The following RBFOX1 variants were observed in gnomAD, a reference collection of about 807,000 sequenced individuals.
RBFOX1 encodes RNA binding fox-1 homolog 1, also known as RNA binding protein fox-1 homolog 1.
Under a neutral mutation model 57.7 loss-of-function variants are expected in RBFOX1, and 8 were observed. The ratio of observed to expected loss-of-function variants is 0.14; its 90% CI spans 0.08 to 0.25. RBFOX1 has a LOEUF of 0.25. Ranked by LOEUF, RBFOX1 falls within the 10% of genes least tolerant of loss-of-function variation. The pLI is 1.00. For missense variants in RBFOX1, 611 were observed against 548.5 expected (o/e 1.11, Z -1.14); for synonymous variants, 326 against 222.4 (o/e 1.47, Z -4.15).
intron 1 of RBFOX1, among the ~76,000 whole-genome samples, chr16:5,278,582 C>T (rs1454578840): frequency 6.6e-6 from 1 of 152,112 alleles, no homozygotes; most frequent in African/African-American, 2.4e-5. Flanking sequence ...TGATTGTTTT[C>T]TTTGATATGC....
At position 6,019,121 on chromosome 16, in the gene RBFOX1, T is replaced by TCG. The variant is rs983265778; in HGVS notation, c.-994_-993dup. 1 of 984,702 alleles carries TCG rather than the reference T, an allele frequency of 1.0e-6. No homozygotes were observed. The highest frequency in any genetic ancestry group is 1.8e-5 in the African/African-American group (1 of 57,004). 61.0% of individuals were successfully genotyped at this position (984,702 alleles called of 1,614,324 possible). On this transcript the variant is annotated 5_prime_UTR_variant, in exon 1 of 16. It removes the in-frame stop codon of an upstream open reading frame in the 5' UTR. Transcript: ENST00000550418. The surrounding 1 kb of genome is among the most constrained non-coding windows in gnomAD (Gnocchi z 4.2). ...CACACACACACATGCACACATTTTC[T>TCG]CGCGCTCTCTCCGGCTCTCCTTTGT...
At chr16:6,235,663 G>C (rs902451897) in intron 1 of RBFOX1, among the ~76,000 whole-genome samples, 1 of 151,196 alleles carries the variant, frequency 6.6e-6, no homozygotes, top group African/African-American at 2.4e-5. Flanking sequence ...TATATGATAG[G>C]ATGCTACTTA....
At chr16:6,389,665 T>C (rs2092493144) in intron 2 of RBFOX1, among the ~76,000 whole-genome samples, 1 of 152,112 alleles carries the variant, frequency 6.6e-6, no homozygotes, top group Non-Finnish European at 1.5e-5. Flanking sequence ...AGAGTAAACA[T>C]GAGGTAGGTT....
chr16:5,496,807 C>T (rs1045571187), intron 2 of RBFOX1, among the ~76,000 whole-genome samples: 2 of 152,122 alleles, frequency 1.3e-5, no homozygotes, highest in African/African-American at 4.8e-5. Flanking sequence ...AGATCATTTC[C>T]AATTAAAAAG....
At chr16:7,283,431 TAGGTA>T (rs1379667698) in intron 4 of RBFOX1, among the ~76,000 whole-genome samples, 1 of 152,040 alleles carries the variant, frequency 6.6e-6, no homozygotes, top group Non-Finnish European at 1.5e-5. Flanking sequence ...GGGAGCTCAC[TAGGTA>T]GATGATGGTG....
chr16:7,097,798 C>G (rs146322073), intron 4 of RBFOX1, among the ~76,000 whole-genome samples: 2 of 152,254 alleles, frequency 1.3e-5, no homozygotes, highest in Admixed American at 6.5e-5. Flanking sequence ...AAAGAAAAAT[C>G]TAAAAGCAGA....
intron 4 of RBFOX1, among the ~76,000 whole-genome samples, chr16:7,213,356 C>T (rs74739503): frequency 0.023 from 3,514 of 152,136 alleles, 132 homozygotes; most frequent in African/African-American, 0.081. Flanking sequence ...TTTAGGAATA[C>T]GGGACTCAGT....
chr16:7,333,883 A>G (rs1387824088), intron 4 of RBFOX1, among the ~76,000 whole-genome samples: 1 of 152,178 alleles, frequency 6.6e-6, no homozygotes, highest in East Asian at 1.9e-4. Context: ...CCCACAGATC[A>G]TAGAAATCCA....
chr16:5,345,652 C>T (rs1733822557), intron 1 of RBFOX1, among the ~76,000 whole-genome samples: 1 of 152,196 alleles, frequency 6.6e-6, no homozygotes, highest in African/African-American at 2.4e-5. Context: ...TTCTTAAACA[C>T]CCAGGAGCCA....
intron 3 of RBFOX1, among the ~76,000 whole-genome samples, chr16:6,912,451 G>T (rs2071888705): frequency 6.6e-6 from 1 of 152,112 alleles, no homozygotes; most frequent in South Asian, 2.1e-4. Context: ...GATTTTTCAG[G>T]ATCCTTTCCA....
In RBFOX1 at chr16:5,856,270, TATAC is replaced by T. The variant is rs1321115337; in HGVS notation, c.319-11031_319-11028del. Among the ~76,000 whole-genome samples, 6 of 37,654 alleles carry T rather than the reference TATAC, an allele frequency of 1.6e-4. 1 individual carries two copies. Among genetic ancestry groups the T allele is most frequent in the East Asian group, 1.4e-3 (2 of 1,452 alleles). 24.7% of individuals were successfully genotyped at this position (37,654 alleles called of 152,430 possible). A position where few individuals can be genotyped will look rare whatever the true frequency, so the allele number is the denominator to read the frequency against. ...ATATATGTATATATATGTATATATA[TATAC>T]ACATATATATACACACACACACACA... On this transcript the variant is annotated intron_variant, in intron 3 of 19. Transcript: ENST00000641259.
At chr16:5,953,168 T>C (rs2059554928) in intron 4 of RBFOX1, among the ~76,000 whole-genome samples, 1 of 152,156 alleles carries the variant, frequency 6.6e-6, no homozygotes, top group Admixed American at 6.6e-5. Flanking sequence ...GATTCTAATA[T>C]TCAGTTAAGA....
At chr16:6,843,411 A>G (rs182366377) in intron 3 of RBFOX1, among the ~76,000 whole-genome samples, 2 of 152,278 alleles carry the variant, frequency 1.3e-5, no homozygotes, top group East Asian at 3.9e-4. Flanking sequence ...AGCTTTGGCC[A>G]GACATGGTGG....
At chr16:5,366,112 G>C (rs554863294) in intron 1 of RBFOX1, 1 of 461,182 alleles carries the variant, frequency 2.2e-6, no homozygotes, top group African/African-American at 2.0e-5. Context: ...TGTGGTTCAG[G>C]GCGAGTGCAT....
chr16:7,577,541 C>G (rs1193890772), intron 5 of RBFOX1, among the ~76,000 whole-genome samples: 2 of 152,234 alleles, frequency 1.3e-5, no homozygotes, highest in African/African-American at 4.8e-5. Context: ...GGCTGAACCT[C>G]CAGCAGTGTC....
Position 6,395,253 on chromosome 16 carries a change from C to T in RBFOX1, c.-64+78196C>T, listed in dbSNP as rs1361178122. Among the ~76,000 whole-genome samples the T allele has an allele frequency of 3.3e-5, 5 of 152,230 alleles. No homozygotes were observed. In the South Asian group the frequency reaches 6.2e-4, roughly 19 times the overall value. On this transcript the variant is annotated intron_variant, in intron 2 of 15. Transcript: ENST00000550418. ...AAAAGTTCTGACCATTAAACGAATGCGTTTTTGTCATAGACGTGGTGGAAA... is the reference window on the plus strand; with the variant it reads ...AAAAGTTCTGACCATTAAACGAATGTGTTTTTGTCATAGACGTGGTGGAAA...
chr16:7,128,705 A>G (rs2069306338), intron 4 of RBFOX1, among the ~76,000 whole-genome samples: 1 of 152,048 alleles, frequency 6.6e-6, no homozygotes, highest in African/African-American at 2.4e-5. Context: ...ACTAAACTCT[A>G]CCACTTGATG....
intron 3 of RBFOX1, among the ~76,000 whole-genome samples, chr16:6,788,699 T>A (rs189441845): frequency 0.015 from 2,250 of 151,774 alleles, 57 homozygotes; most frequent in African/African-American, 0.052. Flanking sequence ...ATGGTCTCTA[T>A]CTCCTGATCT....
chr16:6,829,541 C>T (rs2092534800), intron 3 of RBFOX1, among the ~76,000 whole-genome samples: 1 of 149,820 alleles, frequency 6.7e-6, no homozygotes, highest in African/African-American at 2.5e-5. Flanking sequence ...AAAATAAGTA[C>T]CATTAGTTAA....
Sources: gnomAD v4.1 joint callset for allele counts (sites outside exome capture counted in the v4.1 genomes callset) on GRCh38, gnomAD v4.1.1 for gene constraint, Gnocchi (gnomAD v3.1) non-coding constraint, MANE v1.5 for transcripts, NCBI Gene and HGNC (gene_info 2026-07-23, HGNC 2026-07-21) for gene names.